PDE1C: variants seen among roughly 807,000 people sequenced by gnomAD.
The protein encoded by PDE1C is dual specificity calcium/calmodulin-dependent 3',5'-cyclic nucleotide phosphodiesterase 1C.
PDE1C carries 62 observed loss-of-function variants against 93.1 expected under a neutral mutation model. That is an observed-to-expected ratio of 0.67 (90% CI 0.54 to 0.82). PDE1C has a LOEUF of 0.82. Ranked by LOEUF, PDE1C falls within the 40% of genes least tolerant of loss-of-function variation. The pLI is 0.00. For missense variants in PDE1C, 742 were observed against 884.6 expected, an observed-to-expected ratio of 0.84 and a Z score of 2.04; for synonymous variants, 325 against 310.1, an observed-to-expected ratio of 1.05 and a Z score of -0.50.
At chr7:32,243,855 C>T (rs892408138) in intron 1 of PDE1C, among the ~76,000 whole-genome samples, 2 of 152,156 alleles carry the variant, frequency 1.3e-5, no homozygotes, top group African/African-American at 4.8e-5. Flanking sequence ...GTGGGTGTTC[C>T]TGATACGAAG....
chr7:31,661,189 C>A, the PDE1C span, among the ~76,000 whole-genome samples: 1 of 151,994 alleles, frequency 6.6e-6, no homozygotes, highest in South Asian at 2.1e-4. Flanking sequence ...AATATGATAG[C>A]CTGATGCCTA....
At chr7:32,380,217 CCTCT>C (rs373732159) in intron 1 of PDE1C, among the ~76,000 whole-genome samples, 6 of 151,568 alleles carry the variant, frequency 4.0e-5, no homozygotes, top group South Asian at 4.2e-4. Flanking sequence ...CCACTTCCAT[CCTCT>C]CTCTCTCTCT....
At chr7:32,321,406 C>T (rs1402657247) in intron 1 of PDE1C, among the ~76,000 whole-genome samples, 1 of 152,124 alleles carries the variant, frequency 6.6e-6, no homozygotes, top group Non-Finnish European at 1.5e-5. Flanking sequence ...TTTTGGGTGG[C>T]TGTGGGAATA....
At chr7:32,180,021 G>A (rs1803286609) in intron 2 of PDE1C, among the ~76,000 whole-genome samples, 1 of 152,148 alleles carries the variant, frequency 6.6e-6, no homozygotes, top group Non-Finnish European at 1.5e-5. Flanking sequence ...TCAGTGGGTA[G>A]GAAATTTGGG....
intron 1 of PDE1C, among the ~76,000 whole-genome samples, chr7:32,236,822 A>G (rs1808117228): frequency 1.3e-5 from 2 of 152,234 alleles, no homozygotes. Flanking sequence ...TTATAATCAC[A>G]CAAAAAGCTG....
At chr7:32,421,660 A>G (rs1236764125) in intron 1 of PDE1C, among the ~76,000 whole-genome samples, 1 of 152,198 alleles carries the variant, frequency 6.6e-6, no homozygotes. Context: ...CTGAAAGTCT[A>G]ACTGCAAGTG....
intron 16 of PDE1C, chr7:31,785,852 G>A (rs1396527259): frequency 6.6e-6 from 1 of 152,122 alleles, no homozygotes; most frequent in African/African-American, 2.4e-5. Flanking sequence ...TCTGGCCTTG[G>A]CAGGTAATAT....
intron 3 of PDE1C, among the ~76,000 whole-genome samples, chr7:32,083,930 G>T (rs1796881153): frequency 6.6e-6 from 1 of 150,950 alleles, no homozygotes; most frequent in African/African-American, 2.4e-5. Flanking sequence ...AGACTAGGAA[G>T]AAACTACATC....
intron 1 of PDE1C, among the ~76,000 whole-genome samples, chr7:32,427,029 T>C (rs1785547356): frequency 6.6e-6 from 1 of 152,152 alleles, no homozygotes. Flanking sequence ...GGCATTTTCC[T>C]CCCACTTGCA....
chr7:32,374,077 G>A (rs1784377021), intron 1 of PDE1C, among the ~76,000 whole-genome samples: 1 of 35,354 alleles, frequency 2.8e-5, no homozygotes, highest in Non-Finnish European at 5.7e-5. Flanking sequence ...AAAGAGGGAG[G>A]AGGGAGGAGG....
At chr7:32,181,832 A>C (rs1215809710) in intron 2 of PDE1C, among the ~76,000 whole-genome samples, 1 of 152,234 alleles carries the variant, frequency 6.6e-6, no homozygotes, top group Non-Finnish European at 1.5e-5. Flanking sequence ...AGACACAAAA[A>C]ATCCTTCAAA....
chr7:31,940,194 TC>T (rs1349324424), intron 2 of PDE1C, among the ~76,000 whole-genome samples: 4 of 152,180 alleles, frequency 2.6e-5, no homozygotes, highest in African/African-American at 9.6e-5. Context: ...TCTATCTGAC[TC>T]CAAATCCCAG....
At position 32,415,267 on chromosome 7, in the gene PDE1C, G is replaced by A. The variant is rs150292674; in HGVS notation, c.310+12555C>T. Among the ~76,000 whole-genome samples the A allele has an allele frequency of 3.9e-5, 6 of 152,170 alleles. No homozygotes were observed. In the East Asian group the frequency reaches 5.8e-4, roughly 15 times the overall value. On this transcript the variant is annotated intron_variant, in intron 1 of 1. Coordinates refer to the PDE1C transcript ENST00000672256. ...GTAGTTCGAGACCAACCTGGACAAC[G>A]TAGCGAAACCCAGTATCCACTAAAA...
chr7:31,743,957 G>A, the PDE1C span, among the ~76,000 whole-genome samples: 23 of 152,300 alleles, frequency 1.5e-4, no homozygotes, highest in East Asian at 1.2e-3. Context: ...AGAACTGGAA[G>A]AGGCTGCCCC....
chr7:32,141,362 C>A (rs781216702), intron 3 of PDE1C, among the ~76,000 whole-genome samples: 64 of 152,134 alleles, frequency 4.2e-4, no homozygotes, highest in Non-Finnish European at 7.6e-4. Flanking sequence ...GAAAAAAGAG[C>A]ATGGAAAGGG....
chr7:31,784,122 C>T (rs1783672340), intron 16 of PDE1C: 1 of 152,130 alleles, frequency 6.6e-6, no homozygotes, highest in South Asian at 2.1e-4. Context: ...ACAAATCCAG[C>T]TGAACAGCAG....
chr7:31,698,188 C>G, the PDE1C span, among the ~76,000 whole-genome samples: 1 of 152,162 alleles, frequency 6.6e-6, no homozygotes, highest in Non-Finnish European at 1.5e-5. Flanking sequence ...TATATTTCCC[C>G]ACTGTTTCAT....
chr7:31,686,345 G>C, the PDE1C span, among the ~76,000 whole-genome samples: 1 of 152,256 alleles, frequency 6.6e-6, no homozygotes, highest in Middle Eastern at 3.4e-3. Flanking sequence ...CTCTCCAAAA[G>C]ACAGCATGTC....
chr7:31,646,083 A>T, the PDE1C span, among the ~76,000 whole-genome samples: 1 of 152,214 alleles, frequency 6.6e-6, no homozygotes, highest in Non-Finnish European at 1.5e-5. Context: ...CACATCCCGA[A>T]AAAAGATTAT....
Sources: gnomAD v4.1 joint callset for allele counts (sites outside exome capture counted in the v4.1 genomes callset) on GRCh38, gnomAD v4.1.1 for gene constraint, MANE v1.5 for transcripts, NCBI Gene and HGNC (gene_info 2026-07-23, HGNC 2026-07-21) for gene names.